Variants in BMP6 observed in about 807,000 individuals in gnomAD.
BMP6 encodes VG-1-R.
BMP6 carries 17 observed loss-of-function variants against 54.1 expected under a neutral mutation model. That is an observed-to-expected ratio of 0.31 (90% CI 0.22 to 0.47). The LOEUF (loss-of-function observed/expected upper bound fraction) is 0.47, where lower values mean the gene tolerates loss of function less well. Ranked by LOEUF, BMP6 falls within the 20% of genes least tolerant of loss-of-function variation. The pLI is 1.00. For synonymous variants in BMP6, 328 were observed against 291.2 expected (o/e 1.13, Z -1.28); for missense variants, 720 against 690.4 (o/e 1.04, Z -0.48).
chr6:7,819,478 G>T (rs1758575674), intron 1 of BMP6, among the ~76,000 whole-genome samples: 1 of 151,996 alleles, frequency 6.6e-6, no homozygotes, highest in South Asian at 2.1e-4. Flanking sequence ...GAAAACAATT[G>T]AATTTGAATT....
chr6:7,822,485 A>G (rs920402240), intron 1 of BMP6, among the ~76,000 whole-genome samples: 12 of 151,978 alleles, frequency 7.9e-5, no homozygotes, highest in African/African-American at 2.9e-4. Context: ...CAGTTCCGGA[A>G]CCACCTTGTC....
chr6:7,813,458 CAAAAAAAA>C (rs58314970), intron 1 of BMP6, among the ~76,000 whole-genome samples: 15 of 64,372 alleles, frequency 2.3e-4, no homozygotes, highest in African/African-American at 8.9e-4. Flanking sequence ...CCTGTCTCTA[CAAAAAAAA>C]AAAAAAAAAA....
chr6:7,766,666 T>C (rs913209045), intron 1 of BMP6, among the ~76,000 whole-genome samples: 5 of 152,186 alleles, frequency 3.3e-5, no homozygotes, highest in Admixed American at 3.3e-4. Context: ...TTAGAAGGTA[T>C]GTAATTCATA....
chr6:7,737,495 C>T (rs1761972807), intron 1 of BMP6, among the ~76,000 whole-genome samples: 1 of 148,376 alleles, frequency 6.7e-6, no homozygotes, highest in South Asian at 2.1e-4. Context: ...AGCCTTCTAA[C>T]ACCAACTCTT....
At chr6:7,764,297 G>GA (rs1482141019) in intron 1 of BMP6, among the ~76,000 whole-genome samples, 1 of 152,188 alleles carries the variant, frequency 6.6e-6, no homozygotes, top group African/African-American at 2.4e-5. Flanking sequence ...CCTTTTTCTG[G>GA]AGGTGGTGGA....
intron 4 of BMP6, among the ~76,000 whole-genome samples, chr6:7,873,322 T>C (rs1437334396): frequency 1.3e-5 from 2 of 152,206 alleles, no homozygotes; most frequent in Non-Finnish European, 2.9e-5. Context: ...GAAAGTGCTA[T>C]ACTTACAATC....
intron 1 of BMP6, among the ~76,000 whole-genome samples, chr6:7,728,754 G>C (rs1481907026): frequency 1.3e-5 from 2 of 152,198 alleles, no homozygotes; most frequent in East Asian, 1.9e-4. Context: ...CATGTGAGAC[G>C]GTGGTTGTGC....
chr6:7,822,139 G>A (rs756699973), intron 1 of BMP6, among the ~76,000 whole-genome samples: 2 of 152,080 alleles, frequency 1.3e-5, no homozygotes, highest in Non-Finnish European at 2.9e-5. Flanking sequence ...TCCTGCCTCA[G>A]CCTCCCGAGT....
rs1187176375 is a variant in BMP6 at position 7,813,667 on chromosome 6, A to G, written c.665-31473A>G. Among the ~76,000 whole-genome samples, 2 of 66,020 alleles carry G rather than the reference A, an allele frequency of 3.0e-5. 1 individual carries two copies. Among genetic ancestry groups the G allele is most frequent in the Non-Finnish European group, 7.1e-5 (2 of 28,338 alleles). 43.3% of individuals were successfully genotyped at this position (66,020 alleles called of 152,430 possible). On this transcript the variant is annotated intron_variant, in intron 1 of 6. Transcript: ENST00000283147. ...CAAAAAAAAAAAAAAAAAAAAAAAA[A>G]AACCCACCAAACCCAGTATAGAAAA...
chr6:7,816,533 A>G (rs187098000), intron 1 of BMP6, among the ~76,000 whole-genome samples: 1 of 152,344 alleles, frequency 6.6e-6, no homozygotes, highest in African/African-American at 2.4e-5. Context: ...CAGCCATGGC[A>G]TCACCAGTAG....
intron 1 of BMP6, among the ~76,000 whole-genome samples, chr6:7,768,157 G>C (rs952162983): frequency 6.6e-6 from 1 of 152,158 alleles, no homozygotes; most frequent in Non-Finnish European, 1.5e-5. Context: ...GGCAGGCCTT[G>C]TTAAGAAGAA....
chr6:7,746,551 A>G (rs1254742132), intron 1 of BMP6, among the ~76,000 whole-genome samples: 2 of 152,226 alleles, frequency 1.3e-5, no homozygotes, highest in African/African-American at 4.8e-5. Context: ...TGTTTAACCA[A>G]GAGGGGCAAT....
At chr6:7,835,254 C>G (rs1758855218) in intron 1 of BMP6, among the ~76,000 whole-genome samples, 1 of 152,196 alleles carries the variant, frequency 6.6e-6, no homozygotes, top group African/African-American at 2.4e-5. Flanking sequence ...TCCCGAGTAG[C>G]TGGGACTACA....
chr6:7,810,889 T>C (rs1758426181), intron 1 of BMP6, among the ~76,000 whole-genome samples: 1 of 152,172 alleles, frequency 6.6e-6, no homozygotes, highest in African/African-American at 2.4e-5. Flanking sequence ...TACACGATCC[T>C]GTGGGTATGA....
chr6:7,810,263 C>G (rs1426171187), intron 1 of BMP6, among the ~76,000 whole-genome samples: 1 of 152,142 alleles, frequency 6.6e-6, no homozygotes, highest in Non-Finnish European at 1.5e-5. Flanking sequence ...CCCAACCCAC[C>G]CTCAAAGTTT....
intron 1 of BMP6, among the ~76,000 whole-genome samples, chr6:7,784,742 G>T (rs762799103): frequency 3.9e-5 from 6 of 152,188 alleles, no homozygotes; most frequent in Non-Finnish European, 7.3e-5. Context: ...ATACTTTGAA[G>T]TGGTCTGTTT....
At chr6:7,874,023 C>T (rs945356668) in intron 4 of BMP6, among the ~76,000 whole-genome samples, 1 of 152,120 alleles carries the variant, frequency 6.6e-6, no homozygotes, top group Admixed American at 6.5e-5. Flanking sequence ...AGTTTATCAT[C>T]TAATCTAACC....
chr6:7,755,694 T>C (rs1757504233), intron 1 of BMP6, among the ~76,000 whole-genome samples: 1 of 152,094 alleles, frequency 6.6e-6, no homozygotes, highest in South Asian at 2.1e-4. Context: ...TTCCTTCTGC[T>C]TGAAGAACTT....
At chr6:7,777,482 C>A (rs1255187392) in intron 1 of BMP6, among the ~76,000 whole-genome samples, 1 of 152,140 alleles carries the variant, frequency 6.6e-6, no homozygotes, top group Non-Finnish European at 1.5e-5. Context: ...CCCTCTGGCT[C>A]CAGTATGGGG....
Sources: gnomAD v4.1 joint callset for allele counts (sites outside exome capture counted in the v4.1 genomes callset) on GRCh38, gnomAD v4.1.1 for gene constraint, MANE v1.5 for transcripts, NCBI Gene and HGNC (gene_info 2026-07-23, HGNC 2026-07-21) for gene names.